The following TMEM196 variants were observed in gnomAD, a reference collection of about 807,000 sequenced individuals.
TMEM196 encodes the protein transmembrane protein 196.
TMEM196 carries 17 observed loss-of-function variants against 20.0 expected under a neutral mutation model. The ratio of observed to expected loss-of-function variants is 0.85; its 90% CI spans 0.58 to 1.27. The LOEUF is 1.27. TMEM196 is among the 50% of genes most tolerant of loss of function. The pLI, the probability that TMEM196 is intolerant of heterozygous loss-of-function variation, is 0.00. For synonymous variants in TMEM196, 113 were observed against 88.9 expected (o/e 1.27, Z -1.52); for missense variants, 267 against 223.0 (o/e 1.20, Z -1.26).
At chr7:19,745,916 A>C (rs1432780392) in intron 1 of TMEM196, among the ~76,000 whole-genome samples, 1 of 151,942 alleles carries the variant, frequency 6.6e-6, no homozygotes. Context: ...AGATTTTAAA[A>C]AATCAAATAA....
chr7:19,722,553 G>T (rs932232347), intron 4 of TMEM196, among the ~76,000 whole-genome samples: 1 of 152,050 alleles, frequency 6.6e-6, no homozygotes, highest in South Asian at 2.1e-4. Context: ...AAAATGTGTG[G>T]CCTTTTTGCT....
chr7:19,755,413 G>T (rs1326220946), intron 1 of TMEM196, among the ~76,000 whole-genome samples: 1 of 152,186 alleles, frequency 6.6e-6, no homozygotes, highest in East Asian at 1.9e-4. Flanking sequence ...ATGAATTTCA[G>T]TTCAGTGGGA....
intron 2 of TMEM196, among the ~76,000 whole-genome samples, chr7:19,728,149 G>A (rs1032729381): frequency 1.3e-5 from 2 of 152,034 alleles, no homozygotes; most frequent in Non-Finnish European, 2.9e-5. Flanking sequence ...ACAACAAAAA[G>A]CCTCTTCCTT....
At chr7:19,724,418 C>T in intron 3 of TMEM196, 65 bp from the exon 4 acceptor site, 1 of 1,445,676 alleles carries the variant, frequency 6.9e-7, no homozygotes. Flanking sequence ...CTAAATCAGA[C>T]TAGTATAAAA....
intron 1 of TMEM196, among the ~76,000 whole-genome samples, chr7:19,771,743 G>C (rs777551331): frequency 6.6e-6 from 1 of 152,094 alleles, no homozygotes; most frequent in Non-Finnish European, 1.5e-5. Flanking sequence ...GGTCTCTAAG[G>C]CTTTCTTGGA....
At chr7:19,743,574 G>C (rs1197458325) in intron 1 of TMEM196, among the ~76,000 whole-genome samples, 2 of 152,046 alleles carry the variant, frequency 1.3e-5, no homozygotes, top group African/African-American at 4.8e-5. Context: ...ATACATAATT[G>C]GACTGTGAAA....
At chr7:19,739,213 A>C (rs570103910) in intron 1 of TMEM196, among the ~76,000 whole-genome samples, 1 of 152,168 alleles carries the variant, frequency 6.6e-6, no homozygotes, top group Non-Finnish European at 1.5e-5. Context: ...AATATAATTG[A>C]TATATGAAAT....
chr7:19,725,838 C>T (rs573693169), intron 2 of TMEM196, 70 bp from the exon 3 acceptor site: 20 of 1,486,404 alleles, frequency 1.3e-5, no homozygotes, highest in Non-Finnish European at 1.5e-5. Context: ...TTGCCCTGTC[C>T]GGCTGCATGT....
intron 1 of TMEM196, among the ~76,000 whole-genome samples, chr7:19,756,677 C>G (rs540511237): frequency 2.0e-5 from 3 of 151,608 alleles, no homozygotes; most frequent in African/African-American, 7.3e-5. Context: ...CATTAGCTCA[C>G]TTATAAGTGA....
At position 19,773,373 on chromosome 7, in the gene TMEM196, C is replaced by A; in HGVS notation, c.-677G>T. The A allele has an allele frequency of 6.4e-6, 1 of 157,284 alleles. No individual in the cohort carries two copies. The allele number at this position is 157,284 out of a possible 1,614,324, so 9.7% of individuals were successfully genotyped here. A position where few individuals can be genotyped will look rare whatever the true frequency, so the allele number is the denominator to read the frequency against. ...CTCTTTCCGTCTGGGTTTCTTCTCC[C>A]TCGTCGTCGTCCTCTTCCTCCTCCT... On this transcript the variant is annotated 5_prime_UTR_variant, in exon 1 of 5. The change creates a new upstream start codon in the 5' untranslated region. Coordinates refer to ENST00000405844, the MANE Select transcript of TMEM196 (RefSeq NM_001363562.2).
At chr7:19,748,297 T>C (rs1377979576) in intron 1 of TMEM196, among the ~76,000 whole-genome samples, 1 of 121,170 alleles carries the variant, frequency 8.3e-6, no homozygotes, top group Non-Finnish European at 1.6e-5. Context: ...AAAAACAGTG[T>C]AATGACAGAA....
At chr7:19,754,714 G>A (rs994373033) in intron 1 of TMEM196, among the ~76,000 whole-genome samples, 5 of 152,134 alleles carry the variant, frequency 3.3e-5, no homozygotes, top group African/African-American at 9.7e-5. Context: ...CCTCTAGGTG[G>A]CGACTCTATC....
intron 1 of TMEM196, among the ~76,000 whole-genome samples, chr7:19,732,591 A>G (rs867058596): frequency 7.0e-6 from 1 of 141,920 alleles, no homozygotes; most frequent in African/African-American, 2.5e-5. Flanking sequence ...AAAACAAAAA[A>G]AAAAAAAACG....
intron 1 of TMEM196, among the ~76,000 whole-genome samples, chr7:19,732,917 G>A (rs913628267): frequency 6.6e-6 from 1 of 152,116 alleles, no homozygotes; most frequent in African/African-American, 2.4e-5. Flanking sequence ...TATTAAGCAA[G>A]TAAAAAACAA....
chr7:19,752,502 A>T (rs1056011589), intron 1 of TMEM196, among the ~76,000 whole-genome samples: 8 of 152,110 alleles, frequency 5.3e-5, no homozygotes, highest in Non-Finnish European at 1.2e-4. Flanking sequence ...CTCTGCCTTT[A>T]GTTTCTCTAA....
At chr7:19,724,003 C>T (rs1783900153) in intron 4 of TMEM196, among the ~76,000 whole-genome samples, 1 of 151,772 alleles carries the variant, frequency 6.6e-6, no homozygotes, top group South Asian at 2.1e-4. Flanking sequence ...AAGTAGCAGA[C>T]AATAAAAGGA....
chr7:19,767,741 A>C (rs1362375911), intron 1 of TMEM196, among the ~76,000 whole-genome samples: 1 of 152,060 alleles, frequency 6.6e-6, no homozygotes, highest in East Asian at 1.9e-4. Flanking sequence ...GCTAAAGGAT[A>C]TGAATCCCTT....
At chr7:19,737,844 T>C (rs958648267) in intron 1 of TMEM196, among the ~76,000 whole-genome samples, 2 of 151,980 alleles carry the variant, frequency 1.3e-5, no homozygotes, top group African/African-American at 2.4e-5. Context: ...GGACACATGA[T>C]ACTATCCTTT....
chr7:19,724,704 A>G (rs769259418), intron 3 of TMEM196, among the ~76,000 whole-genome samples: 3 of 151,954 alleles, frequency 2.0e-5, no homozygotes, highest in Non-Finnish European at 4.4e-5. Context: ...AAGTCTTGCT[A>G]TTATCACTTC....
Sources: gnomAD v4.1 joint callset for allele counts (sites outside exome capture counted in the v4.1 genomes callset) on GRCh38, gnomAD v4.1.1 for gene constraint, MANE v1.5 for transcripts, NCBI Gene and HGNC (gene_info 2026-07-23, HGNC 2026-07-21) for gene names.